SUMF1: variants seen among roughly 807,000 people sequenced by gnomAD.
SUMF1 encodes sulfatase modifying factor 1.
In SUMF1, 48 loss-of-function variants were observed where a neutral mutation model predicts 47.6. The observed-to-expected ratio is 1.01, with a 90% CI of 0.80 to 1.28. The LOEUF (loss-of-function observed/expected upper bound fraction) is 1.28, where lower values mean the gene tolerates loss of function less well. Among genes scored for constraint, SUMF1 ranks in the 50% most tolerant of loss-of-function variants. SUMF1 has a pLI of 0.00. For synonymous variants in SUMF1, 230 were observed against 192.1 expected (o/e 1.20, Z -1.63); for missense variants, 571 against 485.4 (o/e 1.18, Z -1.66).
intron 3 of SUMF1, among the ~76,000 whole-genome samples, chr3:4,424,666 A>C (rs1052064864): frequency 6.6e-6 from 1 of 152,248 alleles, no homozygotes; most frequent in African/African-American, 2.4e-5. Context: ...AGTTATCAAA[A>C]TACACTCTGA....
At chr3:4,210,341 CT>C (rs1468104632) in intron 8 of SUMF1, among the ~76,000 whole-genome samples, 1 of 152,064 alleles carries the variant, frequency 6.6e-6, no homozygotes, top group African/African-American at 2.4e-5. Context: ...CCAATACAAT[CT>C]TGAAAAAGAA....
intron 8 of SUMF1, among the ~76,000 whole-genome samples, chr3:4,200,247 G>A (rs1695513569): frequency 2.6e-5 from 4 of 151,390 alleles, no homozygotes; most frequent in Non-Finnish European, 2.9e-5. Context: ...GGGATTAAGG[G>A]ATACCTAGAT....
chr3:4,126,993 A>G (rs768868071), intron 8 of SUMF1, among the ~76,000 whole-genome samples: 15 of 152,158 alleles, frequency 9.9e-5, no homozygotes, highest in African/African-American at 1.9e-4. Context: ...TTAGAAATCT[A>G]CTGTGACCAA....
At chr3:4,213,611 G>A (rs962580893) in intron 8 of SUMF1, among the ~76,000 whole-genome samples, 1 of 152,160 alleles carries the variant, frequency 6.6e-6, no homozygotes, top group Non-Finnish European at 1.5e-5. Context: ...AAAAGGCACA[G>A]ACTGGCAAAT....
intron 8 of SUMF1, among the ~76,000 whole-genome samples, chr3:4,137,003 A>G (rs1411182338): frequency 4.6e-5 from 7 of 152,102 alleles, no homozygotes; most frequent in African/African-American, 1.4e-4. Context: ...GAGAAATAGG[A>G]ACACTTTTAC....
Position 4,158,560 on chromosome 3 carries a change from A to G in SUMF1, c.1015-89815T>C, listed in dbSNP as rs1694505733. The stretch of plus-strand genomic sequence containing the variant: ...AAGTGGGGTGTTGAAGTCTCTAGCT[A>G]TTGTTGTATTGGGGTCTATCTCTCT... On this transcript the variant is annotated intron_variant and NMD_transcript_variant, in intron 8 of 12. Coordinates refer to the SUMF1 transcript ENST00000448413. Among the ~76,000 whole-genome samples, 5 of 151,322 alleles carry G rather than the reference A, an allele frequency of 3.3e-5. No individual in the cohort carries two copies. The South Asian group carries it at 1.0e-3, about 31-fold the overall frequency.
chr3:4,368,048 C>T (rs1337321387), intron 8 of SUMF1, among the ~76,000 whole-genome samples: 1 of 151,942 alleles, frequency 6.6e-6, no homozygotes, highest in East Asian at 1.9e-4. Flanking sequence ...AGTGAACAGG[C>T]AACCTACAAA....
intron 7 of SUMF1, among the ~76,000 whole-genome samples, chr3:4,394,621 T>C (rs1056954000): frequency 3.3e-5 from 5 of 152,236 alleles, no homozygotes; most frequent in African/African-American, 1.2e-4. Flanking sequence ...TTCTCTTCCC[T>C]TTATGTTTCT....
intron 8 of SUMF1, among the ~76,000 whole-genome samples, chr3:4,371,723 G>T (rs774758175): frequency 6.6e-6 from 1 of 152,166 alleles, no homozygotes; most frequent in Non-Finnish European, 1.5e-5. Context: ...GTATTACTAC[G>T]TATTAATTCA....
At chr3:4,082,271 C>T (rs1022900571) in intron 8 of SUMF1, among the ~76,000 whole-genome samples, 5 of 151,900 alleles carry the variant, frequency 3.3e-5, no homozygotes, top group African/African-American at 7.3e-5. Flanking sequence ...CGTTTGAGAC[C>T]AGCCTAGGCC....
intron 8 of SUMF1, among the ~76,000 whole-genome samples, chr3:4,311,431 C>T (rs544652056): frequency 4.3e-4 from 65 of 152,320 alleles, no homozygotes; most frequent in South Asian, 1.2e-3. Context: ...TGCTCTTACC[C>T]GACTGTGCTG....
At chr3:4,257,905 A>G (rs1176188162) in intron 8 of SUMF1, among the ~76,000 whole-genome samples, 1 of 151,558 alleles carries the variant, frequency 6.6e-6, no homozygotes, top group Non-Finnish European at 1.5e-5. Flanking sequence ...TACTGGTACC[A>G]AAACAGAGAT....
chr3:4,390,318 G>A (rs538454722), intron 7 of SUMF1, among the ~76,000 whole-genome samples: 20 of 152,252 alleles, frequency 1.3e-4, no homozygotes, highest in Admixed American at 3.3e-4. Context: ...GAAAGACCTG[G>A]CTAGGCCTTC....
chr3:4,389,425 T>A (rs1700782166), intron 7 of SUMF1, among the ~76,000 whole-genome samples: 1 of 152,028 alleles, frequency 6.6e-6, no homozygotes, highest in South Asian at 2.1e-4. Flanking sequence ...ATTATAACGG[T>A]GTCTTCTTGT....
chr3:4,374,887 C>T (rs902149330), intron 8 of SUMF1, among the ~76,000 whole-genome samples: 1 of 151,978 alleles, frequency 6.6e-6, no homozygotes, highest in Non-Finnish European at 1.5e-5. Flanking sequence ...TTAGGCCGGG[C>T]ACAGTGGCTG....
chr3:4,318,003 A>G (rs373000774), intron 8 of SUMF1, among the ~76,000 whole-genome samples: 13 of 152,308 alleles, frequency 8.5e-5, no homozygotes, highest in Admixed American at 3.3e-4. Flanking sequence ...GTTAGAGCTG[A>G]GCAAGAGAGG....
intron 2 of SUMF1, among the ~76,000 whole-genome samples, chr3:4,449,817 A>T (rs2125125834): frequency 6.6e-6 from 1 of 152,364 alleles, no homozygotes; most frequent in East Asian, 1.9e-4. Context: ...TTCAAGCATC[A>T]AATGGAAATC....
chr3:4,347,528 T>G (rs1368509541), intron 8 of SUMF1, among the ~76,000 whole-genome samples: 1 of 152,222 alleles, frequency 6.6e-6, no homozygotes, highest in Admixed American at 6.5e-5. Context: ...TGATGGAACA[T>G]ATTTCAAAAT....
At chr3:4,241,834 T>G (rs183381838) in intron 8 of SUMF1, among the ~76,000 whole-genome samples, 1 of 152,268 alleles carries the variant, frequency 6.6e-6, no homozygotes, top group Admixed American at 6.5e-5. Flanking sequence ...CATCAGATTT[T>G]ATATACAGGC....
Sources: allele counts gnomAD v4.1 joint callset (sites outside exome capture counted in the v4.1 genomes callset), GRCh38; gene constraint gnomAD v4.1.1; transcripts MANE v1.5; gene names NCBI Gene and HGNC (gene_info 2026-07-23, HGNC 2026-07-21).